Variants in PTP4A1 observed in about 807,000 individuals in gnomAD.
PTP4A1 encodes the protein protein tyrosine phosphatase 4A1.
A neutral mutation model predicts 20.5 loss-of-function variants in PTP4A1; 9 were observed. That is an observed-to-expected ratio of 0.44 (90% CI 0.26 to 0.77). The LOEUF (loss-of-function observed/expected upper bound fraction) is 0.77. Ranked by LOEUF, PTP4A1 falls within the 30% of genes least tolerant of loss-of-function variation. The probability of loss-of-function intolerance (pLI) is 0.19; values close to 1 mark genes in which losing one functional copy is unlikely to be tolerated. For missense variants in PTP4A1, 137 were observed against 218.8 expected, an observed-to-expected ratio of 0.63 and a Z score of 2.36; for synonymous variants, 78 against 67.4, an observed-to-expected ratio of 1.16 and a Z score of -0.77.
At chr6:63,572,303 G>C (rs981990738), upstream of PTP4A1, 10 of 210,950 alleles carry the variant, frequency 4.7e-5, no homozygotes, top group Non-Finnish European at 8.5e-5. Context: ...CCGACTCGGC[G>C]CTTAGCCATT....
chr6:63,550,117 T>G (rs1237009018), intron 2 of PTP4A1, among the ~76,000 whole-genome samples: 1 of 152,148 alleles, frequency 6.6e-6, no homozygotes, highest in East Asian at 1.9e-4. Context: ...AACAGATAAA[T>G]TTTAAAAGAA....
At chr6:63,556,160 T>A (rs1217847025) in intron 3 of PTP4A1, among the ~76,000 whole-genome samples, 1 of 152,194 alleles carries the variant, frequency 6.6e-6, no homozygotes, top group Non-Finnish European at 1.5e-5. Context: ...TTCTTAATTT[T>A]AAAAAATTTT....
chr6:63,522,705 T>A (rs1774985069), intron 1 of PTP4A1, among the ~76,000 whole-genome samples: 1 of 152,182 alleles, frequency 6.6e-6, no homozygotes, highest in African/African-American at 2.4e-5. Flanking sequence ...ATTGCTCATA[T>A]GTTTACTCAC....
At chr6:63,534,054 G>C (rs1027632371) in intron 2 of PTP4A1, among the ~76,000 whole-genome samples, 1 of 151,916 alleles carries the variant, frequency 6.6e-6, no homozygotes, top group African/African-American at 2.4e-5. Context: ...ATTTTGGCAG[G>C]CTAGTCTAGA....
At chr6:63,549,241 G>T in intron 2 of PTP4A1, 2 of 739,712 alleles carry the variant, frequency 2.7e-6, no homozygotes, top group Non-Finnish European at 2.5e-6. Flanking sequence ...GCAGCTGTTT[G>T]GTGGTCCAGG....
rs573197502 is a variant in PTP4A1, at chr6:63,581,826, G to T, written c.*1652G>T. On this transcript the variant is annotated 3_prime_UTR_variant, in exon 6 of 6. Transcript: ENST00000626021. ...AAATTAATAATTACATACCTTTATA[G>T]ATTTTGAAATTAATTTAAATATTAG... The T allele has an allele frequency of 3.9e-5, 6 of 152,180 alleles. No homozygotes were observed. In the East Asian group the frequency reaches 1.2e-3, roughly 29 times the overall value. The allele number at this position is 152,180 out of a possible 1,614,324, so 9.4% of individuals were successfully genotyped here.
the PTP4A1 span, among the ~76,000 whole-genome samples, chr6:63,516,455 T>C: frequency 3.9e-5 from 6 of 152,322 alleles, no homozygotes; most frequent in South Asian, 1.2e-3. Context: ...CACTTCAAAG[T>C]AGTGCTTGAG....
At chr6:63,574,682 A>G (rs903788467) in intron 1 of PTP4A1, among the ~76,000 whole-genome samples, 6 of 152,322 alleles carry the variant, frequency 3.9e-5, no homozygotes, top group Admixed American at 1.3e-4. Flanking sequence ...TTAGCTTTTA[A>G]TTGAAAAAAA....
upstream of PTP4A1, among the ~76,000 whole-genome samples, chr6:63,570,841 T>C (rs146386794): frequency 2.4e-3 from 360 of 152,338 alleles, 1 homozygote; most frequent in African/African-American, 8.2e-3. Context: ...CAGTGTGAAA[T>C]TGACATTTGT....
At chr6:63,579,996 C>CT in intron 5 of PTP4A1, 61 bp from the exon 6 acceptor site, 1 of 1,226,962 alleles carries the variant, frequency 8.2e-7, no homozygotes, top group Non-Finnish European at 1.2e-6. Flanking sequence ...GTCTATAAGA[C>CT]ACTAAATATT....
At chr6:63,552,265 G>T (rs2149490794) in intron 3 of PTP4A1, among the ~76,000 whole-genome samples, 1 of 152,266 alleles carries the variant, frequency 6.6e-6, no homozygotes, top group East Asian at 1.9e-4. Context: ...GTTTTTATTT[G>T]CATTTCTCTG....
intron 3 of PTP4A1, among the ~76,000 whole-genome samples, chr6:63,551,286 G>A (rs1265383754): frequency 3.3e-5 from 5 of 151,570 alleles, no homozygotes; most frequent in Admixed American, 6.6e-5. Context: ...GGCTGGTCTC[G>A]AATTCCTGAC....
upstream of PTP4A1, chr6:63,521,675 C>G (rs1309724475): frequency 1.3e-5 from 2 of 152,148 alleles, no homozygotes; most frequent in Non-Finnish European, 2.9e-5. Flanking sequence ...AGATATATTA[C>G]CCTTTCTCTG....
intron 3 of PTP4A1, among the ~76,000 whole-genome samples, chr6:63,551,905 G>C (rs1776460850): frequency 6.6e-6 from 1 of 152,054 alleles, no homozygotes; most frequent in African/African-American, 2.4e-5. Context: ...GTATTCCATG[G>C]TGTATATGTG....
chr6:63,550,986 C>A (rs1947431010), intron 3 of PTP4A1, among the ~76,000 whole-genome samples: 1 of 151,976 alleles, frequency 6.6e-6, no homozygotes, highest in Non-Finnish European at 1.5e-5. Context: ...ATATACATGA[C>A]CATAATTACC....
At chr6:63,542,022 GGTGTGTGTGTGTGTGTGT>G (rs72091849) in intron 2 of PTP4A1, among the ~76,000 whole-genome samples, 1 of 146,730 alleles carries the variant, frequency 6.8e-6, no homozygotes, top group Non-Finnish European at 1.5e-5. Context: ...AAGAAACTGT[GGTGTGTGTGTGTGTGTGT>G]GTGTGTGTGT....
At chr6:63,577,677 C>G (rs1304258703) in intron 2 of PTP4A1, among the ~76,000 whole-genome samples, 1 of 152,108 alleles carries the variant, frequency 6.6e-6, no homozygotes, top group East Asian at 1.9e-4. Flanking sequence ...CTGCCTCAGC[C>G]TCCCAAGTAG....
At chr6:63,551,018 A>G (rs944862445) in intron 3 of PTP4A1, among the ~76,000 whole-genome samples, 9 of 151,646 alleles carry the variant, frequency 5.9e-5, no homozygotes, top group Non-Finnish European at 1.0e-4. Context: ...GAAAATGTTG[A>G]TAGGTTTTTT....
At chr6:63,532,861 T>G (rs1443959721) in intron 2 of PTP4A1, among the ~76,000 whole-genome samples, 1 of 152,234 alleles carries the variant, frequency 6.6e-6, no homozygotes, top group Non-Finnish European at 1.5e-5. Flanking sequence ...AATATATTTT[T>G]TGTTACACTG....
Sources: gnomAD v4.1 joint callset for allele counts (sites outside exome capture counted in the v4.1 genomes callset) on GRCh38, gnomAD v4.1.1 for gene constraint, MANE v1.5 for transcripts, NCBI Gene and HGNC (gene_info 2026-07-23, HGNC 2026-07-21) for gene names.